SLC2A13: variants seen among roughly 807,000 people sequenced by gnomAD.
The protein encoded by SLC2A13 is solute carrier family 2 member 13.
SLC2A13 carries 32 observed loss-of-function variants against 64.4 expected under a neutral mutation model. That is an observed-to-expected ratio of 0.50 (90% CI 0.37 to 0.67). SLC2A13 has a LOEUF of 0.67. Among genes scored for constraint, SLC2A13 ranks in the 30% least tolerant of loss-of-function variants. The pLI, the probability that SLC2A13 is intolerant of heterozygous loss-of-function variation, is 0.00. For missense variants in SLC2A13, 743 were observed against 829.2 expected, an observed-to-expected ratio of 0.90 and a Z score of 1.28; for synonymous variants, 338 against 327.1, an observed-to-expected ratio of 1.03 and a Z score of -0.36.
At chr12:39,988,984 T>C (rs1284003170) in intron 3 of SLC2A13, among the ~76,000 whole-genome samples, 1 of 152,150 alleles carries the variant, frequency 6.6e-6, no homozygotes, top group African/African-American at 2.4e-5. Context: ...CAGCCTCCAA[T>C]TTAAGGGGCC....
intron 3 of SLC2A13, among the ~76,000 whole-genome samples, chr12:39,987,743 C>T (rs1257056198): frequency 6.6e-6 from 1 of 152,018 alleles, no homozygotes; most frequent in African/African-American, 2.4e-5. Flanking sequence ...CATCGGATTC[C>T]TGGGATTATC....
chr12:39,922,588 T>C (rs1459206550), intron 4 of SLC2A13, among the ~76,000 whole-genome samples: 1 of 152,220 alleles, frequency 6.6e-6, no homozygotes, highest in African/African-American at 2.4e-5. Flanking sequence ...ATGACATCAT[T>C]TAAGCCCTGG....
intron 4 of SLC2A13, among the ~76,000 whole-genome samples, chr12:39,917,456 G>A (rs1945540363): frequency 6.6e-6 from 1 of 152,074 alleles, no homozygotes; most frequent in Admixed American, 6.5e-5. Flanking sequence ...TTGTTTCTGT[G>A]TGTGTCTGTC....
chr12:39,858,558 T>C (rs112515153), intron 6 of SLC2A13, among the ~76,000 whole-genome samples: 1,958 of 152,294 alleles, frequency 0.013, 16 homozygotes, highest in Middle Eastern at 0.048. Flanking sequence ...ATTACCAGGA[T>C]GTCAAATACT....
intron 6 of SLC2A13, among the ~76,000 whole-genome samples, chr12:39,854,749 CCTT>C (rs748575636): frequency 4.6e-5 from 7 of 152,178 alleles, no homozygotes; most frequent in South Asian, 2.1e-4. Context: ...CCTTTCCTCT[CCTT>C]CTGCATCATC....
intron 1 of SLC2A13, among the ~76,000 whole-genome samples, chr12:40,064,726 T>C (rs1446825363): frequency 6.6e-6 from 1 of 152,090 alleles, no homozygotes; most frequent in Non-Finnish European, 1.5e-5. Flanking sequence ...AAGGATGCTG[T>C]TCAAGGCTAT....
chr12:39,807,922 T>C (rs577153295), intron 7 of SLC2A13, among the ~76,000 whole-genome samples: 1 of 150,584 alleles, frequency 6.6e-6, no homozygotes, highest in Non-Finnish European at 1.5e-5. Context: ...GCTAGGAAGA[T>C]ATAATTTTGT....
intron 7 of SLC2A13, among the ~76,000 whole-genome samples, chr12:39,801,346 A>T (rs1382211227): frequency 2.0e-5 from 2 of 100,470 alleles, no homozygotes; most frequent in East Asian, 4.1e-4. Flanking sequence ...AATTAAAAAA[A>T]AAAAAAAAAA....
intron 1 of SLC2A13, among the ~76,000 whole-genome samples, chr12:40,096,132 T>C (rs1433537507): frequency 6.6e-6 from 1 of 151,580 alleles, no homozygotes; most frequent in African/African-American, 2.4e-5. Context: ...GGTTTCACCA[T>C]GTTAGCCAGG....
chr12:39,944,464 T>A (rs949162560), intron 4 of SLC2A13, among the ~76,000 whole-genome samples: 1 of 152,250 alleles, frequency 6.6e-6, no homozygotes, highest in African/African-American at 2.4e-5. Flanking sequence ...CCACTATTAT[T>A]GTGTTGCTGT....
In SLC2A13 at chr12:39,776,377, G is replaced by A. The variant is rs1204662923; in HGVS notation, c.1446-11519C>T. Among the ~76,000 whole-genome samples, 4 of 152,222 alleles carry A rather than the reference G, an allele frequency of 2.6e-5. No individual in the cohort carries two copies. In the East Asian group the frequency reaches 7.7e-4, roughly 29 times the overall value. ...TAGTGCTCCCCTGCAAAACCTGCCT[G>A]CCTGGCCATAACTATGTGTGGCATA... On this transcript the variant is annotated intron_variant, in intron 7 of 9. Coordinates refer to ENST00000280871, the MANE Select transcript of SLC2A13 (RefSeq NM_052885.4).
chr12:40,025,789 C>G (rs1012930406), intron 3 of SLC2A13, among the ~76,000 whole-genome samples: 4 of 152,194 alleles, frequency 2.6e-5, no homozygotes, highest in Non-Finnish European at 5.9e-5. Flanking sequence ...CCTAACCCTT[C>G]AACACAATGG....
intron 3 of SLC2A13, among the ~76,000 whole-genome samples, chr12:40,018,586 T>C (rs1947658351): frequency 6.6e-6 from 1 of 152,260 alleles, no homozygotes; most frequent in South Asian, 2.1e-4. Context: ...TCAGCCTTTT[T>C]GTCAACCGAA....
chr12:40,087,599 A>G (rs1938625415), intron 1 of SLC2A13, among the ~76,000 whole-genome samples: 2 of 152,182 alleles, frequency 1.3e-5, no homozygotes, highest in African/African-American at 2.4e-5. Context: ...TACTAAATAA[A>G]TATCTACTAT....
At chr12:39,871,500 TA>T (rs202121964) in intron 5 of SLC2A13, among the ~76,000 whole-genome samples, 16,673 of 152,000 alleles carry the variant, frequency 0.11, 1,057 homozygotes, top group South Asian at 0.17. Flanking sequence ...AAAAAACAAT[TA>T]TTTTTTTTCA....
intron 1 of SLC2A13, among the ~76,000 whole-genome samples, chr12:40,057,343 T>A (rs1376064527): frequency 1.3e-5 from 2 of 152,094 alleles, no homozygotes; most frequent in African/African-American, 4.8e-5. Context: ...GCTGGAAACA[T>A]CCTATACAAT....
At chr12:39,812,581 T>G (rs978378474) in intron 7 of SLC2A13, among the ~76,000 whole-genome samples, 3 of 151,892 alleles carry the variant, frequency 2.0e-5, no homozygotes, top group Non-Finnish European at 2.9e-5. Flanking sequence ...CAAGCGATTC[T>G]CCTGCCTCAG....
Position 40,105,726 on chromosome 12 carries a change from G to C in SLC2A13, c.83C>G (p.Pro28Arg), listed in dbSNP as rs1451225841. The part of the protein sequence containing the change: ...SLMGERRRKQ[P>R]EPDAASAAGE... Reference sequence around the variant, plus strand: ...GGCCGCGCTCGCCGCGTCCGGCTCCGGCTGCTTCCTGCGCCGCTCGCCCAT... The same window carrying C: ...GGCCGCGCTCGCCGCGTCCGGCTCCCGCTGCTTCCTGCGCCGCTCGCCCAT... The change falls in exon 1 of 10, where the codon CCG (proline) becomes CGG (arginine). Residue 28 changes from proline to arginine, a missense_variant. Pro to Arg is a moderately radical substitution (Grantham distance 103). Transcript: ENST00000280871. The surrounding 1 kb of genome is among the most constrained non-coding windows in gnomAD (Gnocchi z 4.2). 3.4e-6 allele frequency: 5 copies of C among 1,482,510 alleles called. No individual in the cohort carries two copies. In the Admixed American group the frequency reaches 1.2e-4, roughly 37 times the overall value. The allele number at this position is 1,482,510 out of a possible 1,614,324, so 91.8% of individuals were successfully genotyped here. A position where few individuals can be genotyped will look rare whatever the true frequency, so the allele number is the denominator to read the frequency against.
At chr12:39,838,622 T>TA (rs1161282532) in intron 6 of SLC2A13, among the ~76,000 whole-genome samples, 1 of 151,334 alleles carries the variant, frequency 6.6e-6, no homozygotes, top group African/African-American at 2.4e-5. Context: ...CCAATTAAAG[T>TA]AAAAAAGAGC....
Sources: allele counts gnomAD v4.1 joint callset (sites outside exome capture counted in the v4.1 genomes callset), GRCh38; gene constraint gnomAD v4.1.1; non-coding constraint Gnocchi (gnomAD v3.1); transcripts MANE v1.5; gene names NCBI Gene and HGNC (gene_info 2026-07-23, HGNC 2026-07-21).